Variants in ZC3H12B observed in about 807,000 individuals in gnomAD.
ZC3H12B encodes the protein probable ribonuclease ZC3H12B.
In ZC3H12B, 7 loss-of-function variants were observed where a neutral mutation model predicts 43.9. The observed-to-expected ratio is 0.16, with a 90% confidence interval of 0.09 to 0.30. The LOEUF (loss-of-function observed/expected upper bound fraction) is 0.30, where lower values mean the gene tolerates loss of function less well. ZC3H12B is among the 10% of genes least tolerant of loss of function. The pLI, the probability that ZC3H12B is intolerant of heterozygous loss-of-function variation, is 1.00. For synonymous variants in ZC3H12B, 222 were observed against 241.7 expected, an observed-to-expected ratio of 0.92 and a Z score of 0.76; for missense variants, 475 against 670.2, an observed-to-expected ratio of 0.71 and a Z score of 3.22.
intron 3 of ZC3H12B, chrX:65,470,460 T>C (rs2067894643): frequency 9.1e-6 from 1 of 110,409 alleles, no homozygotes; most frequent in Non-Finnish European, 1.9e-5. Context: ...AGGGAGGAAA[T>C]GTGGGTGTGT....
intron 3 of ZC3H12B, among the ~76,000 whole-genome samples, chrX:65,466,602 G>A (rs1265176095): frequency 1.8e-5 from 2 of 108,365 alleles, no homozygotes; most frequent in Non-Finnish European, 3.8e-5. Context: ...GAGATTGCTG[G>A]ATTGTAAGGT....
intron 3 of ZC3H12B, among the ~76,000 whole-genome samples, chrX:65,431,950 C>G (rs1363247865): frequency 1.8e-5 from 2 of 112,022 alleles, no homozygotes; most frequent in Non-Finnish European, 3.8e-5. Flanking sequence ...CAGCTGTTCA[C>G]TTTTGAGTGG....
At chrX:65,229,858 T>G in the ZC3H12B span, among the ~76,000 whole-genome samples, 1 of 109,728 alleles carries the variant, frequency 9.1e-6, no homozygotes, top group East Asian at 2.9e-4. Context: ...CCAGTTAGAA[T>G]GGCAGTCCTT....
chrX:65,372,443 G>T (rs1278317053), intron 2 of ZC3H12B, among the ~76,000 whole-genome samples: 1 of 108,305 alleles, frequency 9.2e-6, no homozygotes, highest in Non-Finnish European at 1.9e-5. Flanking sequence ...TTTTAAGAAA[G>T]GAGGGAGGGA....
At chrX:65,222,296 A>G in the ZC3H12B span, among the ~76,000 whole-genome samples, 1 of 111,087 alleles carries the variant, frequency 9.0e-6, no homozygotes, top group Non-Finnish European at 1.9e-5. Flanking sequence ...GAACAAGACA[A>G]GGATGTTCAC....
chrX:65,411,746 T>A lies in ZC3H12B; in HGVS notation n.407+13042T>A, dbSNP rs762970769. Among the ~76,000 whole-genome samples, 3 of 105,312 alleles carry A rather than the reference T, an allele frequency of 2.8e-5. No individual in the cohort carries two copies. The East Asian group carries it at 8.6e-4, about 30-fold the overall frequency. The allele number at this position is 105,312 out of a possible 115,157, so 91.5% of individuals were successfully genotyped here. ...ATCTCAAAATAAATAAATAAATAAATAAATAAATAAATAATAGTGTAATTG... is the reference window on the plus strand; with the variant it reads ...ATCTCAAAATAAATAAATAAATAAAAAAATAAATAAATAATAGTGTAATTG... On this transcript the variant is annotated intron_variant and non_coding_transcript_variant, in intron 3 of 5. Coordinates refer to the ZC3H12B transcript ENST00000617377.
chrX:65,272,780 T>C, the ZC3H12B span: 1 of 112,290 alleles, frequency 8.9e-6, no homozygotes, highest in Admixed American at 9.4e-5. Flanking sequence ...ACAGATGATA[T>C]GGAGGTAACT....
At chrX:65,158,081 G>T in the ZC3H12B span, among the ~76,000 whole-genome samples, 3 of 107,876 alleles carry the variant, frequency 2.8e-5, no homozygotes, top group Admixed American at 2.0e-4. Context: ...TTTCATCCAT[G>T]TCCCTACAAA....
the ZC3H12B span, among the ~76,000 whole-genome samples, chrX:65,280,315 T>C: frequency 1.8e-5 from 2 of 112,342 alleles, no homozygotes; most frequent in African/African-American, 6.5e-5. Flanking sequence ...ATCATCTCAA[T>C]AGATGCATAA....
chrX:65,295,548 AAC>A, the ZC3H12B span, among the ~76,000 whole-genome samples: 1 of 111,684 alleles, frequency 9.0e-6, no homozygotes, highest in African/African-American at 3.2e-5. Flanking sequence ...GAAGAGTCAT[AAC>A]ACAGATCAGA....
chrX:65,274,567 C>T, the ZC3H12B span, among the ~76,000 whole-genome samples: 1 of 109,518 alleles, frequency 9.1e-6, no homozygotes, highest in Non-Finnish European at 1.9e-5. Context: ...CAGTCCCACA[C>T]ATAATGAACC....
the ZC3H12B span, among the ~76,000 whole-genome samples, chrX:65,327,630 G>A: frequency 9.0e-6 from 1 of 111,091 alleles, no homozygotes; most frequent in African/African-American, 3.3e-5. Context: ...TTGGTATTAG[G>A]AATGAGAGCA....
the ZC3H12B span, among the ~76,000 whole-genome samples, chrX:65,317,267 AC>A: frequency 9.2e-6 from 1 of 108,124 alleles, no homozygotes; most frequent in Non-Finnish European, 1.9e-5. Context: ...AAAAAAAAAA[AC>A]AAATCATAGC....
the ZC3H12B span, among the ~76,000 whole-genome samples, chrX:65,153,695 A>G: frequency 8.9e-6 from 1 of 112,367 alleles, no homozygotes; most frequent in South Asian, 3.7e-4. Flanking sequence ...ATCTACAACT[A>G]GAAATACCAT....
intron 3 of ZC3H12B, among the ~76,000 whole-genome samples, chrX:65,411,726 A>AAAAT (rs564238814): frequency 0.016 from 1,678 of 107,701 alleles, 18 homozygotes; most frequent in African/African-American, 0.031. Context: ...ACTCCATCTC[A>AAAAT]AAATAAATAA....
chrX:65,231,154 A>T, the ZC3H12B span, among the ~76,000 whole-genome samples: 20 of 111,008 alleles, frequency 1.8e-4, no homozygotes, highest in African/African-American at 6.6e-4. Context: ...CCATGATGAC[A>T]ACCCCGAGCC....
At chrX:65,469,512 A>G (rs1296705582) in intron 3 of ZC3H12B, 1 of 339,813 alleles carries the variant, frequency 2.9e-6, no homozygotes, top group Non-Finnish European at 5.5e-6. Context: ...GGAGGATGTA[A>G]AATTCCAGCA....
At chrX:65,210,828 C>A in the ZC3H12B span, among the ~76,000 whole-genome samples, 7 of 35,273 alleles carry the variant, frequency 2.0e-4, no homozygotes, top group Admixed American at 3.7e-4. Flanking sequence ...AACAAAAAAC[C>A]AAACACCGCA....
At chrX:65,311,581 T>C in the ZC3H12B span, among the ~76,000 whole-genome samples, 428 of 111,966 alleles carry the variant, frequency 3.8e-3, no homozygotes, top group African/African-American at 0.013. Flanking sequence ...TGGAAGACAA[T>C]GTGGTGATTC....
Sources: allele counts gnomAD v4.1 joint callset (sites outside exome capture counted in the v4.1 genomes callset), GRCh38; gene constraint gnomAD v4.1.1; transcripts MANE v1.5; gene names NCBI Gene and HGNC (gene_info 2026-07-23, HGNC 2026-07-21).